YWHAE: variants seen among roughly 807,000 people sequenced by gnomAD.
The protein encoded by YWHAE is tyrosine 3-monooxygenase/tryptophan 5-monooxygenase activation protein epsilon, also known as 14-3-3 protein epsilon.
Under a neutral mutation model 30.1 loss-of-function variants are expected in YWHAE, and 4 were observed. The ratio of observed to expected loss-of-function variants is 0.13; its 90% CI spans 0.07 to 0.30. The LOEUF is 0.30. Ranked by LOEUF, YWHAE falls within the 10% of genes least tolerant of loss-of-function variation. The probability of loss-of-function intolerance (pLI) is 1.00; values close to 1 mark genes in which losing one functional copy is unlikely to be tolerated. For synonymous variants in YWHAE, 118 were observed against 111.8 expected (o/e 1.06, Z -0.35); for missense variants, 121 against 315.9 (o/e 0.38, Z 4.68).
intron 1 of YWHAE, among the ~76,000 whole-genome samples, chr17:1,372,209 C>T (rs1026866936): frequency 6.6e-5 from 10 of 152,216 alleles, no homozygotes; most frequent in African/African-American, 2.4e-4. Flanking sequence ...TGCTAGGTTC[C>T]AGCTTTCTAT....
chr17:1,356,300 C>T (rs1381429549), intron 4 of YWHAE, among the ~76,000 whole-genome samples: 2 of 151,806 alleles, frequency 1.3e-5, no homozygotes, highest in Non-Finnish European at 2.9e-5. Context: ...ACCTGGGAGG[C>T]GGAGGTTGCA....
chr17:1,367,917 A>C (rs928487810), intron 1 of YWHAE, among the ~76,000 whole-genome samples: 2 of 152,158 alleles, frequency 1.3e-5, no homozygotes, highest in Non-Finnish European at 2.9e-5. Context: ...TTAACTGTAC[A>C]CCTCAAGCTG....
intron 1 of YWHAE, among the ~76,000 whole-genome samples, chr17:1,368,889 A>G (rs1335993031): frequency 1.3e-5 from 2 of 152,176 alleles, no homozygotes; most frequent in African/African-American, 4.8e-5. Context: ...ATACAGAAAA[A>G]CTATGCAGAC....
At position 1,388,101 on chromosome 17, in the gene YWHAE, GTTTTTTTTTTTGGTTGGTTTTTT is replaced by G. The variant is rs1326821427; in HGVS notation, c.64+11923_64+11945del. ...CCACCACCACGCCTGGGTAATTTTT[GTTTTTTTTTTTGGTTGGTTTTTT>G]TTTTTTTTTTTTTTTTTTAGTAGAG... On this transcript the variant is annotated intron_variant, in intron 1 of 5. Coordinates refer to ENST00000264335, the MANE Select transcript of YWHAE (RefSeq NM_006761.5). 2.6e-4 allele frequency among the ~76,000 whole-genome samples: 16 copies of G among 62,390 alleles called. 2 individuals carry two copies. Among genetic ancestry groups the G allele is most frequent in the African/African-American group, 7.0e-4 (9 of 12,782 alleles). 40.9% of individuals were successfully genotyped at this position (62,390 alleles called of 152,430 possible). A position where few individuals can be genotyped will look rare whatever the true frequency, so the allele number is the denominator to read the frequency against.
At chr17:1,370,116 A>T (rs2073008015) in intron 1 of YWHAE, among the ~76,000 whole-genome samples, 1 of 146,584 alleles carries the variant, frequency 6.8e-6, no homozygotes, top group African/African-American at 2.5e-5. Flanking sequence ...ACCCACAGAA[A>T]AACTTTTTTT....
chr17:1,362,833 G>A (rs1267181660), intron 2 of YWHAE, among the ~76,000 whole-genome samples: 1 of 152,002 alleles, frequency 6.6e-6, no homozygotes, highest in African/African-American at 2.4e-5. Context: ...CGACATCCCT[G>A]ACAGCTTTTC....
At chr17:1,373,157 C>T (rs541407941) in intron 1 of YWHAE, among the ~76,000 whole-genome samples, 28 of 150,782 alleles carry the variant, frequency 1.9e-4, no homozygotes, top group African/African-American at 4.6e-4. Flanking sequence ...GCAGGAGAAT[C>T]GCTTGAACTC....
At position 1,344,280 on chromosome 17, in the gene YWHAE, C is replaced by T. The variant is rs2072480655; in HGVS notation, c.*1167G>A. ...TGATCCATAATTACACCTTGTACTA[C>T]TCATGTTGTACTTTAATGATTAAAA... On this transcript the variant is annotated 3_prime_UTR_variant, in exon 6 of 6. Transcript: ENST00000264335. The T allele has an allele frequency of 6.5e-6, 1 of 154,936 alleles. No homozygotes were observed. 9.6% of individuals were successfully genotyped at this position (154,936 alleles called of 1,614,324 possible). A position where few individuals can be genotyped will look rare whatever the true frequency, so the allele number is the denominator to read the frequency against.
At chr17:1,372,159 T>C (rs1057480759) in intron 1 of YWHAE, among the ~76,000 whole-genome samples, 3 of 152,184 alleles carry the variant, frequency 2.0e-5, no homozygotes, top group Admixed American at 1.3e-4. Flanking sequence ...TTTTAAGTAA[T>C]GGAGATGGCA....
intron 1 of YWHAE, among the ~76,000 whole-genome samples, chr17:1,380,553 T>C (rs2073191417): frequency 6.6e-6 from 1 of 152,202 alleles, no homozygotes; most frequent in Non-Finnish European, 1.5e-5. Flanking sequence ...TTGTCTGGCA[T>C]ATAATATGAA....
chr17:1,347,556 T>C (rs904515122), intron 5 of YWHAE, among the ~76,000 whole-genome samples: 6 of 151,854 alleles, frequency 4.0e-5, no homozygotes, highest in African/African-American at 1.5e-4. Context: ...AAAAAAAATA[T>C]GCAAAGGCAA....
At chr17:1,363,585 T>G (rs1320001768) in intron 2 of YWHAE, among the ~76,000 whole-genome samples, 2 of 152,150 alleles carry the variant, frequency 1.3e-5, no homozygotes, top group African/African-American at 4.8e-5. Flanking sequence ...ACTTTCTATG[T>G]GACCTCAGGT....
At chr17:1,366,666 G>A (rs1432909050) in intron 1 of YWHAE, among the ~76,000 whole-genome samples, 1 of 152,010 alleles carries the variant, frequency 6.6e-6, no homozygotes, top group Non-Finnish European at 1.5e-5. Flanking sequence ...AAATTGGACG[G>A]GCACGGTGGA....
intron 1 of YWHAE, among the ~76,000 whole-genome samples, chr17:1,373,589 A>AC (rs1218425020): frequency 6.6e-6 from 1 of 151,726 alleles, no homozygotes; most frequent in Middle Eastern, 3.2e-3. Context: ...AATTGCGTGA[A>AC]CCCGGGAGGC....
chr17:1,354,373 A>G (rs2072691621), intron 4 of YWHAE, 26 bp from the exon 5 acceptor site: 2 of 1,601,936 alleles, frequency 1.2e-6, no homozygotes, highest in African/African-American at 1.3e-5. Flanking sequence ...TAGAAGTGTT[A>G]TAAAAATTAA....
chr17:1,352,804 C>T (rs1465610428), intron 5 of YWHAE, among the ~76,000 whole-genome samples: 2 of 152,172 alleles, frequency 1.3e-5, no homozygotes, highest in South Asian at 2.1e-4. Context: ...GGATTATAGG[C>T]ATGAGCCACC....
Position 1,400,218 on chromosome 17 carries a change from A to C in YWHAE, c.-108T>G. On this transcript the variant is annotated 5_prime_UTR_variant, in exon 1 of 6. It adds an upstream start codon to the 5' untranslated region. Coordinates refer to ENST00000264335, the MANE Select transcript of YWHAE (RefSeq NM_006761.5). ...CGGGCAGCAAAAATGGCGGCGCCTC[A>C]ATCCGGGACTTCCGCCTGCGCACGC... 7.7e-7 allele frequency: 1 copy of C among 1,296,380 alleles called. No homozygotes were observed. Among genetic ancestry groups the C allele is most frequent in the Non-Finnish European group, 1.1e-6 (1 of 904,790 alleles). The allele number at this position is 1,296,380 out of a possible 1,614,324, so 80.3% of individuals were successfully genotyped here.
At chr17:1,377,597 G>C (rs1263457341) in intron 1 of YWHAE, among the ~76,000 whole-genome samples, 1 of 152,180 alleles carries the variant, frequency 6.6e-6, no homozygotes, top group East Asian at 1.9e-4. Context: ...CTGGGCAACA[G>C]AGCAAGACTC....
intron 5 of YWHAE, among the ~76,000 whole-genome samples, chr17:1,351,456 A>C (rs1312166450): frequency 6.6e-6 from 1 of 151,708 alleles, no homozygotes; most frequent in African/African-American, 2.4e-5. Flanking sequence ...TTTTACTCTC[A>C]AAAACATGTC....
Sources: allele counts gnomAD v4.1 joint callset (sites outside exome capture counted in the v4.1 genomes callset), GRCh38; gene constraint gnomAD v4.1.1; transcripts MANE v1.5; gene names NCBI Gene and HGNC (gene_info 2026-07-23, HGNC 2026-07-21).